The following CDS1 variants were observed in gnomAD, a reference collection of about 807,000 sequenced individuals.
CDS1 encodes phosphatidate cytidylyltransferase 1.
In CDS1, 41 loss-of-function variants were observed where a neutral mutation model predicts 62.1. That is an observed-to-expected ratio of 0.66 (90% CI 0.51 to 0.86). The LOEUF is 0.86. Ranked by LOEUF, CDS1 falls within the 40% of genes least tolerant of loss-of-function variation. The pLI is 0.00. For synonymous variants in CDS1, 185 were observed against 192.6 expected (o/e 0.96, Z 0.32); for missense variants, 470 against 550.1 (o/e 0.85, Z 1.46).
intron 1 of CDS1, among the ~76,000 whole-genome samples, chr4:84,583,748 T>C (rs1235845118): frequency 6.6e-6 from 1 of 151,960 alleles, no homozygotes. Flanking sequence ...CCGGGAGAAA[T>C]GGGCCACTCA....
chr4:84,648,718 G>A lies in CDS1; in HGVS notation c.*32G>A. 1 of 1,577,200 alleles carries A rather than the reference G, an allele frequency of 6.3e-7. No homozygotes were observed. The highest frequency in any genetic ancestry group is 1.2e-5 in the South Asian group (1 of 84,424). On this transcript the variant is annotated 3_prime_UTR_variant, in exon 13 of 13. Coordinates refer to ENST00000295887, the MANE Select transcript of CDS1 (RefSeq NM_001263.4). Reference sequence around the variant, plus strand: ...CCAGAGAGGGAAGGACTGACAAGAAGGAATTATTCAGAAAAACACTGACAG... The same window carrying A: ...CCAGAGAGGGAAGGACTGACAAGAAAGAATTATTCAGAAAAACACTGACAG...
At position 84,640,869 on chromosome 4, in the gene CDS1, TTGTC is replaced by T; in HGVS notation, c.914_917del (p.Val305AlafsTer9). ...TATGTGTTATCCAAATACCAGTACT[TTGTC>T]TGCCCAGTGGAATACCGAAGTGATG... On this transcript the variant is annotated frameshift_variant, in exon 10 of 13. Coordinates refer to ENST00000295887, the MANE Select transcript of CDS1 (RefSeq NM_001263.4). LOFTEE classifies it high-confidence loss of function. 6.2e-7 allele frequency: 1 copy of T among 1,603,670 alleles called. No homozygotes were observed. Among genetic ancestry groups the T allele is most frequent in the Non-Finnish European group, 8.5e-7 (1 of 1,175,762 alleles).
intron 1 of CDS1, among the ~76,000 whole-genome samples, chr4:84,585,929 C>A (rs1430070767): frequency 6.6e-6 from 1 of 152,162 alleles, no homozygotes; most frequent in African/African-American, 2.4e-5. Flanking sequence ...GCATAGAGGG[C>A]ATGCTTGGCG....
At chr4:84,638,829 A>G in intron 8 of CDS1, 95 bp from the exon 9 acceptor site, 2 of 319,408 alleles carry the variant, frequency 6.3e-6, no homozygotes, top group Non-Finnish European at 1.1e-5. Context: ...GAGATGTACA[A>G]GTTATTGAGG....
At chr4:84,628,394 C>A (rs1261309733) in intron 5 of CDS1, among the ~76,000 whole-genome samples, 1 of 152,104 alleles carries the variant, frequency 6.6e-6, no homozygotes, top group Admixed American at 6.5e-5. Context: ...TCTGGCATAT[C>A]GAAGGTGCTT....
chr4:84,629,294 GC>G (rs1438871867), intron 5 of CDS1, among the ~76,000 whole-genome samples: 1 of 150,050 alleles, frequency 6.7e-6, no homozygotes, highest in Non-Finnish European at 1.5e-5. Flanking sequence ...TACACAGTTG[GC>G]CCTCCTATAT....
chr4:84,594,022 G>A (rs1049412906), intron 1 of CDS1, among the ~76,000 whole-genome samples: 4 of 152,098 alleles, frequency 2.6e-5, no homozygotes, highest in Non-Finnish European at 4.4e-5. Flanking sequence ...TCTGGGGCCT[G>A]ATAAATTTTA....
intron 2 of CDS1, among the ~76,000 whole-genome samples, chr4:84,608,247 C>T (rs1723193428): frequency 6.6e-6 from 1 of 152,244 alleles, no homozygotes; most frequent in African/African-American, 2.4e-5. Context: ...GATCTTGGCT[C>T]ACTGAAAGCT....
intron 10 of CDS1, 51 bp from the exon 11 acceptor site, chr4:84,642,973 T>G (rs1313434741): frequency 3.9e-6 from 6 of 1,555,710 alleles, no homozygotes; most frequent in Non-Finnish European, 5.3e-6. Flanking sequence ...TATGCTCAAA[T>G]ACAATTTCAG....
rs1433931558 is a variant in CDS1, at chr4:84,633,946, C to T, written c.722+7C>T. On this transcript the variant is annotated splice_region_variant and intron_variant, in intron 7 of 12. Transcript: ENST00000295887. ...TGTTTGAAGGCATGATATGGTAAGG[C>T]AACAGAATTATGCTGCTTTATAAGT... The T allele has an allele frequency of 1.3e-6, 2 of 1,556,154 alleles. No homozygotes were observed. Among genetic ancestry groups the T allele is most frequent in the African/African-American group, 2.7e-5 (2 of 73,344 alleles).
intron 1 of CDS1, among the ~76,000 whole-genome samples, chr4:84,601,957 A>G (rs1722951465): frequency 6.6e-6 from 1 of 152,098 alleles, no homozygotes; most frequent in African/African-American, 2.4e-5. Flanking sequence ...ATACATACAT[A>G]CGTACGTACA....
chr4:84,611,976 G>A (rs916175111), intron 3 of CDS1, among the ~76,000 whole-genome samples: 1 of 152,006 alleles, frequency 6.6e-6, no homozygotes, highest in African/African-American at 2.4e-5. Flanking sequence ...TGGTGAGTGG[G>A]CAGGCTTGAG....
intron 1 of CDS1, among the ~76,000 whole-genome samples, chr4:84,590,954 C>A (rs113022486): frequency 1.3e-5 from 2 of 152,222 alleles, no homozygotes; most frequent in Non-Finnish European, 2.9e-5. Flanking sequence ...TTAGCTCAAA[C>A]GGTGAGAGAC....
intron 11 of CDS1, among the ~76,000 whole-genome samples, chr4:84,644,407 A>G (rs1326308475): frequency 2.6e-5 from 4 of 152,208 alleles, no homozygotes; most frequent in Non-Finnish European, 5.9e-5. Flanking sequence ...AAAATTAACC[A>G]AAGACTTTTT....
At chr4:84,590,013 G>A (rs1246885439) in intron 1 of CDS1, among the ~76,000 whole-genome samples, 7 of 152,242 alleles carry the variant, frequency 4.6e-5, no homozygotes, top group Admixed American at 2.0e-4. Context: ...GGGTTTCACA[G>A]TGTTAGCCAG....
Position 84,583,378 on chromosome 4 carries a change from G to T in CDS1, c.-24G>T. Reference sequence around the variant, plus strand: ...AGGTTTCGGGGTGCTTGAGGAGGCCGCCACGGCAGCGCGGGAGCGGAAGAT... The same window carrying T: ...AGGTTTCGGGGTGCTTGAGGAGGCCTCCACGGCAGCGCGGGAGCGGAAGAT... On this transcript the variant is annotated 5_prime_UTR_variant, in exon 1 of 13. Coordinates refer to ENST00000295887, the MANE Select transcript of CDS1 (RefSeq NM_001263.4). 6.4e-7 allele frequency: 1 copy of T among 1,554,952 alleles called. No homozygotes were observed. Among genetic ancestry groups the T allele is most frequent in the South Asian group, 1.1e-5 (1 of 89,490 alleles).
intron 4 of CDS1, among the ~76,000 whole-genome samples, chr4:84,618,823 C>A (rs1723578299): frequency 6.6e-6 from 1 of 152,154 alleles, no homozygotes; most frequent in Non-Finnish European, 1.5e-5. Flanking sequence ...ATTACCTCTT[C>A]TTTCTTTCCC....
chr4:84,608,259 C>T (rs567765865), intron 2 of CDS1, among the ~76,000 whole-genome samples: 61 of 152,296 alleles, frequency 4.0e-4, no homozygotes, highest in African/African-American at 1.3e-3. Flanking sequence ...CTGAAAGCTC[C>T]GCCTCCCGGG....
At chr4:84,629,170 A>T (rs1457007644) in intron 5 of CDS1, among the ~76,000 whole-genome samples, 1 of 152,210 alleles carries the variant, frequency 6.6e-6, no homozygotes, top group African/African-American at 2.4e-5. Context: ...TTATTAACAT[A>T]TAAATGTATT....
Sources: gnomAD v4.1 joint callset for allele counts (sites outside exome capture counted in the v4.1 genomes callset) on GRCh38, gnomAD v4.1.1 for gene constraint, MANE v1.5 for transcripts, NCBI Gene and HGNC (gene_info 2026-07-23, HGNC 2026-07-21) for gene names.